TENM2: variants seen among roughly 807,000 people sequenced by gnomAD.
The protein encoded by TENM2 is teneurin transmembrane protein 2.
A neutral mutation model predicts 245.2 loss-of-function variants in TENM2; 52 were observed. That is an observed-to-expected ratio of 0.21 (90% CI 0.17 to 0.27). The LOEUF is 0.27. TENM2 is among the 10% of genes least tolerant of loss of function. The pLI is 1.00. For missense variants in TENM2, 3,046 were observed against 3,666.8 expected (o/e 0.83, Z 4.37); for synonymous variants, 1,363 against 1,438.9 (o/e 0.95, Z 1.19).
At position 167,553,100 on chromosome 5, in the gene TENM2, G is replaced by A. The variant is rs542442877; in HGVS notation, c.502+177627G>A. On this transcript the variant is annotated intron_variant, in intron 2 of 28. Coordinates refer to ENST00000518659, the Ensembl canonical transcript of TENM2. ...ATGGTTCTAGAGGACACACAGCAAA[G>A]GAAACTGATGAAGCTTGATGGGATC... Among the ~76,000 whole-genome samples the A allele has an allele frequency of 7.9e-5, 12 of 152,336 alleles. No homozygotes were observed. In the South Asian group the frequency reaches 1.9e-3, roughly 24 times the overall value.
chr5:167,520,737 C>T (rs1024087947), intron 2 of TENM2, among the ~76,000 whole-genome samples: 7 of 151,870 alleles, frequency 4.6e-5, no homozygotes, highest in Non-Finnish European at 8.8e-5. Flanking sequence ...CTTTTCTCCA[C>T]GTCATGGCGC....
intron 2 of TENM2, among the ~76,000 whole-genome samples, chr5:167,774,606 T>G (rs1426571473): frequency 6.6e-6 from 1 of 152,180 alleles, no homozygotes; most frequent in African/African-American, 2.4e-5. Flanking sequence ...AATTCATACA[T>G]GGATACCCCT....
chr5:167,644,011 G>T (rs1280919451), intron 2 of TENM2, among the ~76,000 whole-genome samples: 2 of 152,058 alleles, frequency 1.3e-5, no homozygotes, highest in South Asian at 2.1e-4. Context: ...GTATCAGAAG[G>T]ATTGCTGCAA....
At chr5:167,827,174 C>G (rs930182712) in intron 2 of TENM2, among the ~76,000 whole-genome samples, 1 of 152,168 alleles carries the variant, frequency 6.6e-6, no homozygotes, top group African/African-American at 2.4e-5. Context: ...CAAGGTGGTT[C>G]GGAATAACCG....
intron 2 of TENM2, among the ~76,000 whole-genome samples, chr5:167,428,370 T>A (rs142088360): frequency 5.9e-4 from 90 of 152,306 alleles, no homozygotes; most frequent in African/African-American, 2.0e-3. Context: ...TTCTACAGGT[T>A]ATTGAAATTC....
intron 12 of TENM2, among the ~76,000 whole-genome samples, chr5:168,141,326 T>G (rs1468952835): frequency 1.3e-5 from 2 of 152,130 alleles, no homozygotes; most frequent in East Asian, 3.9e-4. Context: ...TCATTCACAT[T>G]CTCTGCATGC....
intron 2 of TENM2, among the ~76,000 whole-genome samples, chr5:167,779,210 A>T (rs751295088): frequency 3.9e-5 from 6 of 152,184 alleles, no homozygotes; most frequent in Non-Finnish European, 7.3e-5. Flanking sequence ...TGTTGTAAGT[A>T]GGGACTAATG....
chr5:167,703,708 A>C (rs1042267082), intron 2 of TENM2, among the ~76,000 whole-genome samples: 1 of 152,164 alleles, frequency 6.6e-6, no homozygotes, highest in African/African-American at 2.4e-5. Flanking sequence ...TAGTATACTA[A>C]ATTAGTACTA....
At chr5:167,922,207 T>C (rs1402342575) in intron 3 of TENM2, among the ~76,000 whole-genome samples, 1 of 152,338 alleles carries the variant, frequency 6.6e-6, no homozygotes, top group Admixed American at 6.5e-5. Context: ...CTTTTCCTCA[T>C]GACCCATATC....
rs1157237833 is a variant in TENM2 at position 168,227,383 on chromosome 5, T to A, written c.5285-512T>A. On this transcript the variant is annotated intron_variant, in intron 24 of 28. Coordinates refer to ENST00000518659, the Ensembl canonical transcript of TENM2. ...AGTAAAAGCATGAGGATGGGGAAGG[T>A]TGACTTCTTCTCTCCATTTTCTCAA... 2.0e-5 allele frequency among the ~76,000 whole-genome samples: 3 copies of A among 152,270 alleles called. No homozygotes were observed. The East Asian group carries it at 5.8e-4, about 29-fold the overall frequency.
intron 2 of TENM2, among the ~76,000 whole-genome samples, chr5:167,758,511 T>C (rs544450239): frequency 1.3e-5 from 2 of 152,270 alleles, no homozygotes; most frequent in East Asian, 3.9e-4. Context: ...CTCCTTGTCA[T>C]TGTGCTATAG....
At chr5:168,099,887 C>T (rs937931095) in intron 9 of TENM2, among the ~76,000 whole-genome samples, 10 of 152,222 alleles carry the variant, frequency 6.6e-5, no homozygotes, top group South Asian at 2.1e-4. Flanking sequence ...GTGAAAGCTT[C>T]GATAAACTTA....
intron 2 of TENM2, among the ~76,000 whole-genome samples, chr5:167,596,849 T>A (rs982632706): frequency 6.6e-6 from 1 of 151,202 alleles, no homozygotes; most frequent in Non-Finnish European, 1.5e-5. Flanking sequence ...AAGAGATAAC[T>A]CTTCTTCCAT....
chr5:168,097,833 C>T (rs139064318), intron 8 of TENM2, among the ~76,000 whole-genome samples, 193 bp from the exon 11 acceptor site: 1 of 152,202 alleles, frequency 6.6e-6, no homozygotes, highest in East Asian at 1.9e-4. Flanking sequence ...ACCTGGAGAG[C>T]ACTGTTCAAG....
At chr5:167,503,305 A>G (rs918327686) in intron 2 of TENM2, among the ~76,000 whole-genome samples, 12 of 152,176 alleles carry the variant, frequency 7.9e-5, no homozygotes, top group African/African-American at 2.9e-4. Context: ...TGCTGTATAT[A>G]CACTCTCCTT....
chr5:167,332,331 G>T lies in TENM2; in HGVS notation c.227-42867G>T, dbSNP rs147113175. Among the ~76,000 whole-genome samples, 1,277 of 151,906 alleles carry T rather than the reference G, an allele frequency of 8.4e-3. 18 individuals are homozygous for T. The highest frequency in any genetic ancestry group is 0.029 in the African/African-American group (1,198 of 41,384). On this transcript the variant is annotated intron_variant, in intron 1 of 28. Transcript: ENST00000518659. ...ACCTTTTATGCCTTTTTATGTTTTT[G>T]TTCTATATTTGTATGGATAGCTCTT...
intron 2 of TENM2, among the ~76,000 whole-genome samples, chr5:167,617,785 G>C (rs560850045): frequency 6.6e-6 from 1 of 152,118 alleles, no homozygotes; most frequent in Non-Finnish European, 1.5e-5. Flanking sequence ...ATGGACGAAT[G>C]GTTAAGTAAA....
At chr5:167,444,865 GTGT>G (rs1765070748) in intron 2 of TENM2, among the ~76,000 whole-genome samples, 1 of 152,150 alleles carries the variant, frequency 6.6e-6, no homozygotes, top group Non-Finnish European at 1.5e-5. Flanking sequence ...CCCCAAGCAA[GTGT>G]GATCAAACTC....
At chr5:167,754,058 A>G (rs1278170217) in intron 2 of TENM2, among the ~76,000 whole-genome samples, 2 of 152,166 alleles carry the variant, frequency 1.3e-5, no homozygotes, top group Admixed American at 1.3e-4. Flanking sequence ...TTCAGCAGCT[A>G]CACTATGACA....
Sources: gnomAD v4.1 joint callset for allele counts (sites outside exome capture counted in the v4.1 genomes callset) on GRCh38, gnomAD v4.1.1 for gene constraint, MANE v1.5 for transcripts, NCBI Gene and HGNC (gene_info 2026-07-23, HGNC 2026-07-21) for gene names.